DCC: variants seen among roughly 807,000 people sequenced by gnomAD.
The protein encoded by DCC is DCC netrin 1 receptor, also known as netrin receptor DCC.
A neutral mutation model predicts 172.5 loss-of-function variants in DCC; 58 were observed. The ratio of observed to expected loss-of-function variants is 0.34; its 90% CI spans 0.27 to 0.42. The LOEUF is 0.42. Among genes scored for constraint, DCC ranks in the 10% least tolerant of loss-of-function variants. The pLI, the probability that DCC is intolerant of heterozygous loss-of-function variation, is 1.00. For missense variants in DCC, 1,740 were observed against 1,791.0 expected (o/e 0.97, Z 0.51); for synonymous variants, 709 against 644.5 (o/e 1.10, Z -1.52).
chr18:53,063,507 C>A, intron 6 of DCC, 48 bp downstream of exon 6: 4 of 1,375,196 alleles, frequency 2.9e-6, no homozygotes, highest in South Asian at 1.3e-5. Flanking sequence ...TCATTGTTTT[C>A]TATTTTTTTC....
At chr18:52,881,592 T>C (rs779052270) in intron 2 of DCC, among the ~76,000 whole-genome samples, 11 of 152,068 alleles carry the variant, frequency 7.2e-5, no homozygotes, top group Non-Finnish European at 8.8e-5. Flanking sequence ...CACCGTTCAT[T>C]GTTGAAAATG....
At chr18:52,956,293 T>A (rs2040741493) in intron 5 of DCC, among the ~76,000 whole-genome samples, 1 of 152,034 alleles carries the variant, frequency 6.6e-6, no homozygotes, top group South Asian at 2.1e-4. Flanking sequence ...TCCAGTTGTT[T>A]CAGTATCGTT....
intron 12 of DCC, among the ~76,000 whole-genome samples, chr18:53,262,299 T>C (rs1215836080): frequency 6.6e-6 from 1 of 152,224 alleles, no homozygotes; most frequent in East Asian, 1.9e-4. Context: ...CAACTCTATA[T>C]ACAGACCAAA....
intron 1 of DCC, among the ~76,000 whole-genome samples, chr18:52,343,005 C>T (rs1165652845): frequency 6.6e-6 from 1 of 152,222 alleles, no homozygotes; most frequent in Admixed American, 6.5e-5. Flanking sequence ...CATACACACA[C>T]ATACACATGG....
chr18:52,620,048 T>C (rs537118941), intron 1 of DCC, among the ~76,000 whole-genome samples: 2 of 152,350 alleles, frequency 1.3e-5, no homozygotes, highest in East Asian at 3.9e-4. Flanking sequence ...GGCCCCCTCG[T>C]AATTTATATA....
chr18:52,700,222 ACACATGCACACT>A (rs768264578), intron 1 of DCC, among the ~76,000 whole-genome samples: 1,976 of 102,944 alleles, frequency 0.019, 15 homozygotes, highest in African/African-American at 0.037. Context: ...ACATGTGCAC[ACACATGCACACT>A]CACATGCACA....
chr18:52,960,269 C>T (rs543723339), intron 5 of DCC, among the ~76,000 whole-genome samples: 2 of 152,152 alleles, frequency 1.3e-5, no homozygotes, highest in South Asian at 4.1e-4. Flanking sequence ...GTAAATATCC[C>T]TGAAGGATTT....
At chr18:53,391,330 G>C (rs1478912427) in intron 16 of DCC, among the ~76,000 whole-genome samples, 3 of 152,044 alleles carry the variant, frequency 2.0e-5, no homozygotes, top group African/African-American at 7.2e-5. Context: ...CCTGTAACTA[G>C]ATCTTTTAAG....
intron 2 of DCC, among the ~76,000 whole-genome samples, chr18:52,882,902 T>G (rs896681308): frequency 1.3e-5 from 2 of 152,126 alleles, no homozygotes; most frequent in Non-Finnish European, 2.9e-5. Context: ...CCTTTAGCGC[T>G]AACAGTATTT....
At chr18:52,584,919 T>A (rs1029853407) in intron 1 of DCC, among the ~76,000 whole-genome samples, 1 of 152,162 alleles carries the variant, frequency 6.6e-6, no homozygotes, top group African/African-American at 2.4e-5. Context: ...ATGGCTCTAG[T>A]CACATTCCTT....
chr18:52,910,661 C>T (rs2039959165), intron 3 of DCC, among the ~76,000 whole-genome samples: 1 of 152,044 alleles, frequency 6.6e-6, no homozygotes, highest in Non-Finnish European at 1.5e-5. Flanking sequence ...CATTGAATTG[C>T]ACAATTATAA....
chr18:53,013,666 A>C (rs1490318771), intron 5 of DCC, among the ~76,000 whole-genome samples: 2 of 151,798 alleles, frequency 1.3e-5, no homozygotes, highest in Non-Finnish European at 2.9e-5. Context: ...TGTGTAACAA[A>C]CTTGCACATT....
chr18:53,162,637 C>G (rs1385431908), intron 8 of DCC, among the ~76,000 whole-genome samples: 1 of 152,154 alleles, frequency 6.6e-6, no homozygotes, highest in Non-Finnish European at 1.5e-5. Context: ...TGCGCTTGCT[C>G]TTCAGTCTGC....
chr18:53,274,161 T>A (rs1568405772), intron 12 of DCC, among the ~76,000 whole-genome samples: 1 of 152,172 alleles, frequency 6.6e-6, no homozygotes, highest in Admixed American at 6.6e-5. Context: ...AAATTGCATA[T>A]ATATATTCAC....
chr18:52,496,072 C>T (rs2030735847), intron 1 of DCC, among the ~76,000 whole-genome samples: 1 of 152,112 alleles, frequency 6.6e-6, no homozygotes, highest in Non-Finnish European at 1.5e-5. Flanking sequence ...ATAGTACACA[C>T]TAAGGATTCA....
chr18:53,235,226 C>T (rs1476832107), intron 12 of DCC, among the ~76,000 whole-genome samples: 1 of 152,024 alleles, frequency 6.6e-6, no homozygotes, highest in East Asian at 1.9e-4. Context: ...TAATGCCTGC[C>T]CATCATGTCT....
At chr18:53,332,704 A>C (rs966948692) in intron 14 of DCC, among the ~76,000 whole-genome samples, 6 of 152,134 alleles carry the variant, frequency 3.9e-5, no homozygotes, top group Non-Finnish European at 8.8e-5. Flanking sequence ...TTGACTATAA[A>C]GGGGCAGCCT....
Position 53,527,913 on chromosome 18 carries a change from T to C in DCC, c.4254+1154T>C, listed in dbSNP as rs548213489. ...AAAAGAGCAGATTAAAATTCTATTT[T>C]GTTATTACATTTGGATCTTTTTTAA... On this transcript the variant is annotated intron_variant, in intron 28 of 28. Transcript: ENST00000442544. 5.9e-5 allele frequency among the ~76,000 whole-genome samples: 9 copies of C among 152,296 alleles called. No individual in the cohort carries two copies. In the South Asian group the frequency reaches 1.9e-3, roughly 32 times the overall value.
chr18:53,498,409 T>C (rs894005168), intron 26 of DCC, among the ~76,000 whole-genome samples: 5 of 152,328 alleles, frequency 3.3e-5, no homozygotes, highest in African/African-American at 1.2e-4. Context: ...ATTTTATTAA[T>C]ACTTAAACCT....
Sources: allele counts gnomAD v4.1 joint callset (sites outside exome capture counted in the v4.1 genomes callset), GRCh38; gene constraint gnomAD v4.1.1; transcripts MANE v1.5; gene names NCBI Gene and HGNC (gene_info 2026-07-23, HGNC 2026-07-21).